CPNE5: variants seen among roughly 807,000 people sequenced by gnomAD.
CPNE5 encodes the protein copine-5.
CPNE5 carries 42 observed loss-of-function variants against 81.1 expected under a neutral mutation model. The ratio of observed to expected loss-of-function variants is 0.52; its 90% CI spans 0.40 to 0.67. CPNE5 has a LOEUF of 0.67. Among genes scored for constraint, CPNE5 ranks in the 30% least tolerant of loss-of-function variants. CPNE5 has a pLI of 0.00. For missense variants in CPNE5, 612 were observed against 815.5 expected (o/e 0.75, Z 3.04); for synonymous variants, 313 against 321.5 (o/e 0.97, Z 0.28).
At chr6:36,777,577 G>A (rs943995752) in intron 9 of CPNE5, among the ~76,000 whole-genome samples, 1 of 152,152 alleles carries the variant, frequency 6.6e-6, no homozygotes, top group Non-Finnish European at 1.5e-5. Context: ...TCAAGTCAAA[G>A]TCAACAGAAT....
chr6:36,749,281 G>A lies in CPNE5; in HGVS notation c.972-1014C>T, dbSNP rs1582709360. On this transcript the variant is annotated intron_variant, in intron 14 of 20. Transcript: ENST00000244751. ...GGGGTACAGGAATCTGTGTTAGCAA[G>A]CCATTCAGGTGCTTGGGGGGAATGA... is the stretch of plus-strand genomic sequence containing the variant. 2.6e-5 allele frequency among the ~76,000 whole-genome samples: 4 copies of A among 152,236 alleles called. No individual in the cohort carries two copies. The East Asian group carries it at 7.7e-4, about 29-fold the overall frequency.
chr6:36,757,202 TC>T (rs1162678918), intron 12 of CPNE5: 2 of 428,488 alleles, frequency 4.7e-6, no homozygotes, highest in Non-Finnish European at 6.2e-6. Flanking sequence ...CGCCAGTTTT[TC>T]TTTGTTTTGT....
intron 6 of CPNE5, among the ~76,000 whole-genome samples, chr6:36,797,233 G>A (rs190157623): frequency 1.3e-4 from 20 of 152,346 alleles, no homozygotes; most frequent in Non-Finnish European, 2.4e-4. Flanking sequence ...TCATGGTGAG[G>A]GGACAGCGTC....
At chr6:36,812,175 G>A (rs1047603936) in intron 3 of CPNE5, among the ~76,000 whole-genome samples, 3 of 152,160 alleles carry the variant, frequency 2.0e-5, no homozygotes, top group South Asian at 2.1e-4. Flanking sequence ...CAGGGACTCC[G>A]ACTCGGAAAA....
chr6:36,838,662 G>T, intron 1 of CPNE5: 1 of 600,594 alleles, frequency 1.7e-6, no homozygotes, highest in Non-Finnish European at 2.1e-6. Context: ...TTTTTTTAAT[G>T]GTGCCACTTT....
At position 36,741,957 on chromosome 6, in the gene CPNE5, G is replaced by A. The variant is rs528226530; in HGVS notation, c.*311C>T. The A allele has an allele frequency of 1.5e-5, 5 of 335,588 alleles. No individual in the cohort carries two copies. Among genetic ancestry groups the A allele is most frequent in the East Asian group, 4.9e-5 (1 of 20,378 alleles). 20.8% of individuals were successfully genotyped at this position (335,588 alleles called of 1,614,324 possible). A position where few individuals can be genotyped will look rare whatever the true frequency, so the allele number is the denominator to read the frequency against. ...GCAAATAGGATTGCCGGGGGTGGGC[G>A]ACAGGGACCCCAATCACCCTTATTG... On this transcript the variant is annotated 3_prime_UTR_variant, in exon 21 of 21. Coordinates refer to ENST00000244751, the MANE Select transcript of CPNE5 (RefSeq NM_020939.2).
chr6:36,748,791 A>G lies in CPNE5; in HGVS notation c.972-524T>C, dbSNP rs114961309. On this transcript the variant is annotated intron_variant, in intron 14 of 20. Coordinates refer to ENST00000244751, the MANE Select transcript of CPNE5 (RefSeq NM_020939.2). ...CTGTCTAGTTAGTTACAGGAAATAC[A>G]AGGGACAGAGGAACACATTAAATGA... Among the ~76,000 whole-genome samples, 1,089 of 152,294 alleles carry G rather than the reference A, an allele frequency of 7.2e-3. 4 individuals are homozygous for G. The highest frequency in any genetic ancestry group is 0.02 in the Middle Eastern group (6 of 294).
rs143196794 is a variant in CPNE5 at position 36,828,223 on chromosome 6, G to C, written c.96-5125C>G. Among the ~76,000 whole-genome samples the C allele has an allele frequency of 4.7e-3, 714 of 151,292 alleles. 3 individuals are homozygous for C. Among genetic ancestry groups the C allele is most frequent in the Non-Finnish European group, 8.0e-3 (546 of 67,920 alleles). On this transcript the variant is annotated intron_variant, in intron 1 of 20. Coordinates refer to ENST00000244751, the MANE Select transcript of CPNE5 (RefSeq NM_020939.2). ...TAGTCTTAGCTACTCGGGACTCCAAGGAGGGAGGATCACTTGAGCTCAGGA... is the reference window on the plus strand; with the variant it reads ...TAGTCTTAGCTACTCGGGACTCCAACGAGGGAGGATCACTTGAGCTCAGGA...
intron 1 of CPNE5, among the ~76,000 whole-genome samples, chr6:36,835,621 C>T (rs980684341): frequency 6.6e-6 from 1 of 152,114 alleles, no homozygotes; most frequent in Non-Finnish European, 1.5e-5. Flanking sequence ...CATGGTGAAA[C>T]CTTGTCTCTA....
At chr6:36,755,383 G>A (rs4236052) in intron 13 of CPNE5, 69,850 of 152,072 alleles carry the variant, frequency 0.46, 16,139 homozygotes, top group Middle Eastern at 0.49. Context: ...GCCTTTGCAT[G>A]TGCTGTTCTC....
intron 12 of CPNE5, among the ~76,000 whole-genome samples, chr6:36,760,638 A>G (rs1765932717): frequency 6.6e-6 from 1 of 152,166 alleles, no homozygotes; most frequent in African/African-American, 2.4e-5. Context: ...TGGGGAAGTT[A>G]AGTATGACCC....
At chr6:36,836,544 C>T (rs1260084812) in intron 1 of CPNE5, among the ~76,000 whole-genome samples, 2 of 152,230 alleles carry the variant, frequency 1.3e-5, no homozygotes, top group African/African-American at 2.4e-5. Flanking sequence ...GCCCCTCTGC[C>T]TGCCCTACTG....
intron 13 of CPNE5, 127 bp downstream of exon 13, chr6:36,756,118 T>A: frequency 1.7e-5 from 7 of 411,368 alleles, no homozygotes; most frequent in Admixed American, 6.6e-5. Context: ...ACCCCATCTC[T>A]CTTGGATGTC....
At chr6:36,770,866 T>A (rs959722168) in intron 10 of CPNE5, among the ~76,000 whole-genome samples, 17 of 151,934 alleles carry the variant, frequency 1.1e-4, no homozygotes, top group South Asian at 2.1e-4. Context: ...ATAATTTTTT[T>A]AAAAATGGGT....
intron 8 of CPNE5, among the ~76,000 whole-genome samples, chr6:36,784,334 C>T (rs915268702): frequency 1.3e-5 from 2 of 152,326 alleles, no homozygotes; most frequent in South Asian, 4.1e-4. Context: ...TAGACTGAAA[C>T]GAAGGCAAGC....
chr6:36,767,562 A>G (rs1766671240), intron 10 of CPNE5, among the ~76,000 whole-genome samples: 1 of 152,134 alleles, frequency 6.6e-6, no homozygotes, highest in Non-Finnish European at 1.5e-5. Flanking sequence ...CCAGACCGCT[A>G]AGCTCTGCAG....
intron 12 of CPNE5, 35 bp downstream of exon 12, chr6:36,762,882 T>A: frequency 6.4e-7 from 1 of 1,565,322 alleles, no homozygotes; most frequent in Non-Finnish European, 8.8e-7. Flanking sequence ...GGCCACTTAG[T>A]AGTGCAAACC....
chr6:36,827,209 G>A (rs935482625), intron 1 of CPNE5: 9 of 454,938 alleles, frequency 2.0e-5, no homozygotes, highest in African/African-American at 8.5e-5. Context: ...TCTGCCTCTC[G>A]CCTATGTCCC....
Position 36,764,445 on chromosome 6 carries a change from A to C in CPNE5, c.779+890T>G, listed in dbSNP as rs573024498. On this transcript the variant is annotated intron_variant, in intron 11 of 20. Coordinates refer to ENST00000244751, the MANE Select transcript of CPNE5 (RefSeq NM_020939.2). ...TAGCACTTTACATAAGATAAAACAA[A>C]CCCCCTGTCCATATCACAGACTTGG... Among the ~76,000 whole-genome samples the C allele has an allele frequency of 2.6e-4, 40 of 151,574 alleles. No individual in the cohort carries two copies. The South Asian group carries it at 7.3e-3, about 28-fold the overall frequency.
Sources: allele counts gnomAD v4.1 joint callset (sites outside exome capture counted in the v4.1 genomes callset), GRCh38; gene constraint gnomAD v4.1.1; transcripts MANE v1.5; gene names NCBI Gene and HGNC (gene_info 2026-07-23, HGNC 2026-07-21).